Variants in GNL2 observed in about 807,000 individuals in gnomAD.
GNL2 encodes the protein nucleolar GTP-binding protein 2.
Under a neutral mutation model 92.3 loss-of-function variants are expected in GNL2, and 51 were observed. That is an observed-to-expected ratio of 0.55 (90% CI 0.44 to 0.70). The LOEUF (loss-of-function observed/expected upper bound fraction) is 0.70. Ranked by LOEUF, GNL2 falls within the 30% of genes least tolerant of loss-of-function variation. The probability of loss-of-function intolerance (pLI) is 0.00; values close to 1 mark genes in which losing one functional copy is unlikely to be tolerated. For synonymous variants in GNL2, 283 were observed against 300.6 expected (o/e 0.94, Z 0.61); for missense variants, 844 against 895.6 (o/e 0.94, Z 0.74).
At chr1:37,593,983 A>G (rs1643905782) in intron 1 of GNL2, 137 bp from the exon 2 acceptor site, 2 of 600,022 alleles carry the variant, frequency 3.3e-6, no homozygotes, top group Middle Eastern at 4.4e-4. Flanking sequence ...TACTTTCTCC[A>G]TATGTTGCTC....
chr1:37,574,068 T>G lies in GNL2; in HGVS notation c.1416+275A>C, dbSNP rs1323148384. On this transcript the variant is annotated intron_variant, in intron 12 of 15. Coordinates refer to ENST00000373062, the MANE Select transcript of GNL2 (RefSeq NM_013285.3). ...CCATCATGCTAGGTTAATTTTTGTA[T>G]TTTTAGTAGAGACAGGGTTTCACCA... is the stretch of plus-strand genomic sequence containing the variant. Among the ~76,000 whole-genome samples, 3 of 152,232 alleles carry G rather than the reference T, an allele frequency of 2.0e-5. No homozygotes were observed. The East Asian group carries it at 5.8e-4, about 29-fold the overall frequency.
At chr1:37,568,793 G>T (rs570138051) in intron 13 of GNL2, 58 bp downstream of exon 13, 2 of 1,319,946 alleles carry the variant, frequency 1.5e-6, no homozygotes, top group South Asian at 1.3e-5. Flanking sequence ...TGGTACTCAT[G>T]GCAAATTTTT....
chr1:37,582,392 G>T, intron 7 of GNL2, 56 bp from the exon 8 acceptor site: 1 of 1,019,688 alleles, frequency 9.8e-7, no homozygotes, highest in Non-Finnish European at 1.5e-6. Context: ...TTTACATTAT[G>T]TGGAAGAATC....
chr1:37,567,820 C>T, intron 14 of GNL2, 56 bp from the exon 15 acceptor site: 9 of 1,344,460 alleles, frequency 6.7e-6, no homozygotes, highest in Non-Finnish European at 9.6e-6. Flanking sequence ...GTCTATAAAC[C>T]CAACGGTGGG....
At position 37,587,435 on chromosome 1, in the gene GNL2, G is replaced by C; in HGVS notation, c.445C>G (p.Gln149Glu). ...SFETTFGPKS[Q>E]RKRPNLFASD... ...GCAAATAAGTTTGGTCGTTTCCTCTGTGACTTAGGGCCAAATGTAGTTTCA... is the reference window on the plus strand; with the variant it reads ...GCAAATAAGTTTGGTCGTTTCCTCTCTGACTTAGGGCCAAATGTAGTTTCA... The change falls in exon 5 of 16, where the codon CAG becomes GAG. Residue 149 changes from glutamine to glutamate, a missense_variant. Coordinates refer to ENST00000373062, the MANE Select transcript of GNL2 (RefSeq NM_013285.3). 6.2e-7 allele frequency: 1 copy of C among 1,613,256 alleles called. No individual in the cohort carries two copies.
intron 8 of GNL2, among the ~76,000 whole-genome samples, chr1:37,580,145 T>G (rs975053267): frequency 2.0e-5 from 3 of 152,122 alleles, no homozygotes; most frequent in African/African-American, 7.2e-5. Flanking sequence ...TAAGAAAAGA[T>G]TGGCTGGGCG....
At chr1:37,571,923 C>CT (rs1643600162) in intron 12 of GNL2, among the ~76,000 whole-genome samples, 1 of 152,130 alleles carries the variant, frequency 6.6e-6, no homozygotes, top group Admixed American at 6.5e-5. Flanking sequence ...TGGCTTCCCA[C>CT]CATGACACCC....
rs1643751684 is a variant in GNL2 at position 37,580,634 on chromosome 1, G to C, written c.909+1589C>G. Among the ~76,000 whole-genome samples, 3 of 152,200 alleles carry C rather than the reference G, an allele frequency of 2.0e-5. No individual in the cohort carries two copies. The South Asian group carries it at 6.2e-4, about 32-fold the overall frequency. Reference sequence around the variant, plus strand: ...TGGATGACAGTGAAAGGAAATCCCAGAAAGACGACGCTGCAGCAGCCTGGA... The same window carrying C: ...TGGATGACAGTGAAAGGAAATCCCACAAAGACGACGCTGCAGCAGCCTGGA... On this transcript the variant is annotated intron_variant, in intron 8 of 15. Transcript: ENST00000373062.
intron 12 of GNL2, 112 bp downstream of exon 12, chr1:37,574,229 TGA>T (rs1643639627): frequency 2.0e-6 from 1 of 510,872 alleles, no homozygotes. Flanking sequence ...AATAATAAAA[TGA>T]GAGACACCGC....
chr1:37,582,731 C>T lies in GNL2; in HGVS notation c.795+47G>A, dbSNP rs112227489. ...GCCTAAAAGCCCTACAACTGACTTA[C>T]TAACAGATGTCTTAATAGTCTATTC... On this transcript the variant is annotated intron_variant, in intron 7 of 15. Transcript: ENST00000373062. The T allele has an allele frequency of 8.0e-5, 118 of 1,476,268 alleles. No individual in the cohort carries two copies. In the African/African-American group the frequency reaches 1.4e-3, roughly 18 times the overall value. The allele number at this position is 1,476,268 out of a possible 1,614,324, so 91.4% of individuals were successfully genotyped here. A position where few individuals can be genotyped will look rare whatever the true frequency, so the allele number is the denominator to read the frequency against.
chr1:37,595,862 T>TA lies in GNL2; in HGVS notation c.-41dup. 6.3e-7 allele frequency: 1 copy of TA among 1,579,972 alleles called. No homozygotes were observed. The highest frequency in any genetic ancestry group is 8.7e-7 in the Non-Finnish European group (1 of 1,148,918). On this transcript the variant is annotated 5_prime_UTR_variant, in exon 1 of 16. Transcript: ENST00000373062. ...CGGGACCGGAGTGCGAGGTCCGGCT[T>TA]ACGTGGTGAAACAAACTTTTATGTT...
intron 12 of GNL2, among the ~76,000 whole-genome samples, chr1:37,573,404 G>A (rs1481743828): frequency 6.6e-6 from 1 of 152,250 alleles, no homozygotes; most frequent in Non-Finnish European, 1.5e-5. Context: ...CCTAGAACCA[G>A]AAAGGCAAAA....
Position 37,595,911 on chromosome 1 carries a change from G to T in GNL2, c.-89C>A. The T allele has an allele frequency of 9.2e-7, 1 of 1,088,018 alleles. No individual in the cohort carries two copies. 67.4% of individuals were successfully genotyped at this position (1,088,018 alleles called of 1,614,324 possible). A position where few individuals can be genotyped will look rare whatever the true frequency, so the allele number is the denominator to read the frequency against. On this transcript the variant is annotated 5_prime_UTR_variant, in exon 1 of 16. Transcript: ENST00000373062. ...TTCCCAAGCCCGGCCGAAGACACCC[G>T]CCTGAACCACGCCGGACCACGTGTG...
chr1:37,593,675 G>T, intron 2 of GNL2, 87 bp downstream of exon 2: 2 of 828,762 alleles, frequency 2.4e-6, no homozygotes, highest in Middle Eastern at 2.3e-4. Flanking sequence ...AGGAAGTGGG[G>T]GTGAGAACAG....
At chr1:37,583,769 C>T (rs1262270940) in intron 6 of GNL2, 98 bp downstream of exon 6, 22 of 770,656 alleles carry the variant, frequency 2.9e-5, no homozygotes, top group Non-Finnish European at 5.1e-5. Flanking sequence ...TGCCTGTACT[C>T]TGCGCAACAG....
At chr1:37,574,934 G>T in intron 10 of GNL2, 111 bp from the exon 11 acceptor site, 1 of 744,826 alleles carries the variant, frequency 1.3e-6, no homozygotes, top group Admixed American at 2.4e-5. Context: ...CACAAAGCTC[G>T]TGGAGATTGG....
At chr1:37,578,117 G>GTAT (rs889765464) in intron 8 of GNL2, among the ~76,000 whole-genome samples, 1 of 152,086 alleles carries the variant, frequency 6.6e-6, no homozygotes, top group Non-Finnish European at 1.5e-5. Flanking sequence ...ACAGACACTG[G>GTAT]TATCTACAGG....
At chr1:37,590,572 G>A in intron 4 of GNL2, 134 bp downstream of exon 4, 1 of 700,744 alleles carries the variant, frequency 1.4e-6, no homozygotes, top group Non-Finnish European at 2.5e-6. Flanking sequence ...TGAAAAGAGA[G>A]GTCTTAGAAA....
intron 12 of GNL2, 104 bp downstream of exon 12, chr1:37,574,239 C>T (rs1168024141): frequency 8.9e-6 from 5 of 563,624 alleles, no homozygotes; most frequent in East Asian, 6.0e-5. Flanking sequence ...TGAGAGACAC[C>T]GCAGCTGAAT....
Sources: gnomAD v4.1 joint callset for allele counts (sites outside exome capture counted in the v4.1 genomes callset) on GRCh38, gnomAD v4.1.1 for gene constraint, MANE v1.5 for transcripts, NCBI Gene and HGNC (gene_info 2026-07-23, HGNC 2026-07-21) for gene names.